Variants in ZCCHC7 observed in about 807,000 individuals in gnomAD.
The protein encoded by ZCCHC7 is zinc finger CCHC-type containing 7.
In ZCCHC7, 35 loss-of-function variants were observed where a neutral mutation model predicts 52.0. The observed-to-expected ratio is 0.67, with a 90% CI of 0.51 to 0.89. ZCCHC7 has a LOEUF of 0.89. Ranked by LOEUF, ZCCHC7 falls within the 40% of genes least tolerant of loss-of-function variation. ZCCHC7 has a pLI of 0.00. For synonymous variants in ZCCHC7, 217 were observed against 221.5 expected (o/e 0.98, Z 0.18); for missense variants, 574 against 649.1 (o/e 0.88, Z 1.26).
chr9:37,271,901 A>C (rs943441716), intron 2 of ZCCHC7, among the ~76,000 whole-genome samples: 3 of 152,172 alleles, frequency 2.0e-5, no homozygotes, highest in African/African-American at 7.2e-5. Flanking sequence ...GCATGCTGAA[A>C]TTTTTGCAGA....
intron 2 of ZCCHC7, among the ~76,000 whole-genome samples, chr9:37,250,065 T>A (rs1033770903): frequency 6.6e-6 from 1 of 152,238 alleles, no homozygotes; most frequent in Non-Finnish European, 1.5e-5. Flanking sequence ...CTTATCCTCA[T>A]AGTTAGCAAG....
chr9:37,207,595 G>C (rs1359906725), intron 2 of ZCCHC7, among the ~76,000 whole-genome samples: 3 of 142,292 alleles, frequency 2.1e-5, no homozygotes, highest in Admixed American at 7.3e-5. Flanking sequence ...TAATACATGT[G>C]GTAATCCGTT....
At chr9:37,184,673 C>T (rs1297967546) in intron 2 of ZCCHC7, among the ~76,000 whole-genome samples, 2 of 149,898 alleles carry the variant, frequency 1.3e-5, no homozygotes, top group African/African-American at 5.0e-5. Context: ...CAAGTTTTAA[C>T]CTCTGTCTGG....
chr9:37,281,056 C>T (rs12380446), intron 2 of ZCCHC7, among the ~76,000 whole-genome samples: 82,851 of 152,046 alleles, frequency 0.54, 23,038 homozygotes, highest in African/African-American at 0.63. Context: ...TTGTATGATA[C>T]TAACTCTAAG....
At chr9:37,314,335 T>C (rs1829719365) in intron 5 of ZCCHC7, among the ~76,000 whole-genome samples, 1 of 151,708 alleles carries the variant, frequency 6.6e-6, no homozygotes, top group Non-Finnish European at 1.5e-5. Context: ...TACTCTTCAG[T>C]CCAATCACAT....
intron 6 of ZCCHC7, among the ~76,000 whole-genome samples, chr9:37,328,740 G>A (rs1170907460): frequency 6.6e-6 from 1 of 152,016 alleles, no homozygotes; most frequent in East Asian, 1.9e-4. Context: ...ATTCTCCTTA[G>A]AGAAATAAAA....
chr9:37,305,130 C>T (rs1161024604), intron 4 of ZCCHC7, among the ~76,000 whole-genome samples: 1 of 152,214 alleles, frequency 6.6e-6, no homozygotes, highest in Non-Finnish European at 1.5e-5. Context: ...TCTCCTTCCT[C>T]TTCCAAATGA....
chr9:37,266,992 TG>T (rs1164175485), intron 2 of ZCCHC7, among the ~76,000 whole-genome samples: 1 of 152,182 alleles, frequency 6.6e-6, no homozygotes, highest in African/African-American at 2.4e-5. Context: ...TCTGTATAAA[TG>T]GTCAAAAAAA....
chr9:37,131,455 G>A (rs1354076392), intron 2 of ZCCHC7, among the ~76,000 whole-genome samples: 12 of 152,044 alleles, frequency 7.9e-5, no homozygotes, highest in Admixed American at 7.9e-4. Flanking sequence ...AGACCAGCCT[G>A]GCCAACATGG....
chr9:37,290,798 A>G (rs138165516), intron 2 of ZCCHC7, among the ~76,000 whole-genome samples: 280 of 152,388 alleles, frequency 1.8e-3, no homozygotes, highest in Middle Eastern at 6.8e-3. Flanking sequence ...ACCCTTTTAT[A>G]AATCTAAGAT....
At chr9:37,164,180 G>T (rs373495035) in intron 2 of ZCCHC7, among the ~76,000 whole-genome samples, 1 of 151,634 alleles carries the variant, frequency 6.6e-6, no homozygotes, top group Non-Finnish European at 1.5e-5. Context: ...GGTAGCTCAC[G>T]CCTGTAATCC....
intron 7 of ZCCHC7, among the ~76,000 whole-genome samples, chr9:37,350,279 C>G (rs1431680089): frequency 6.6e-6 from 1 of 152,016 alleles, no homozygotes; most frequent in African/African-American, 2.4e-5. Flanking sequence ...TAGGCGCATG[C>G]CACCATGCCC....
At chr9:37,242,873 T>C (rs1029013165) in intron 2 of ZCCHC7, among the ~76,000 whole-genome samples, 3 of 151,836 alleles carry the variant, frequency 2.0e-5, no homozygotes, top group African/African-American at 7.2e-5. Context: ...AGCAATTCTT[T>C]GTATCAGCAC....
At chr9:37,356,474 A>C (rs1361271303) in intron 8 of ZCCHC7, among the ~76,000 whole-genome samples, 2 of 152,152 alleles carry the variant, frequency 1.3e-5, no homozygotes, top group African/African-American at 4.8e-5. Context: ...CATTTTATAA[A>C]TCTTGCTTTG....
chr9:37,320,019 C>G (rs781664575), intron 5 of ZCCHC7, among the ~76,000 whole-genome samples: 6 of 152,166 alleles, frequency 3.9e-5, no homozygotes, highest in Non-Finnish European at 7.4e-5. Flanking sequence ...GCCATATGGT[C>G]TTGATTACTA....
chr9:37,221,960 CA>C (rs1051132735), intron 2 of ZCCHC7, among the ~76,000 whole-genome samples: 2 of 149,460 alleles, frequency 1.3e-5, no homozygotes, highest in Admixed American at 6.6e-5. Context: ...TTTTCAATAG[CA>C]AAAAAAACAG....
Position 37,126,447 on chromosome 9 carries a change from A to T in ZCCHC7, c.115A>T (p.Ile39Phe), listed in dbSNP as rs767011596. The change falls in exon 2 of 9, where the codon ATT (isoleucine) becomes TTT (phenylalanine). Residue 39 changes from isoleucine to phenylalanine, a missense_variant. Physicochemically the swap from Ile to Phe is conservative, Grantham distance 21 (BLOSUM62 0). This residue lies in a region of ZCCHC7 where 403 missense variants were observed against 461.2 expected (regional missense o/e 0.87). Coordinates refer to ENST00000336755, the MANE Select transcript of ZCCHC7 (RefSeq NM_032226.3). ...SEVEFQLYSQ[I>F]HYAQDLDDVI... ...GGTGGAATTTCAACTCTATAGCCAA[A>T]TTCATTATGCCCAAGATCTTGATGA... 6.2e-7 allele frequency: 1 copy of T among 1,613,856 alleles called. No individual in the cohort carries two copies. The highest frequency in any genetic ancestry group is 1.7e-5 in the Admixed American group (1 of 60,034).
intron 2 of ZCCHC7, among the ~76,000 whole-genome samples, chr9:37,248,202 C>A (rs1826164781): frequency 6.6e-6 from 1 of 152,148 alleles, no homozygotes; most frequent in Admixed American, 6.5e-5. Flanking sequence ...ACAACCCTTA[C>A]AGTTCTCAGA....
At chr9:37,272,727 A>G (rs1261746298) in intron 2 of ZCCHC7, among the ~76,000 whole-genome samples, 3 of 152,128 alleles carry the variant, frequency 2.0e-5, no homozygotes, top group Admixed American at 6.5e-5. Context: ...TCATGTATGT[A>G]TAATATTATT....
Sources: gnomAD v4.1 joint callset for allele counts (sites outside exome capture counted in the v4.1 genomes callset) on GRCh38, gnomAD v4.1.1 for gene constraint, gnomAD v4.1.1 regional missense constraint, MANE v1.5 for transcripts, NCBI Gene and HGNC (gene_info 2026-07-23, HGNC 2026-07-21) for gene names.